LIPK: variants seen among roughly 807,000 people sequenced by gnomAD.
LIPK encodes the protein lipase family member K.
In LIPK, 32 loss-of-function variants were observed where a neutral mutation model predicts 48.6. That is an observed-to-expected ratio of 0.66 (90% CI 0.50 to 0.88). The LOEUF is 0.88. LIPK is among the 40% of genes least tolerant of loss of function. LIPK has a pLI of 0.00. For missense variants in LIPK, 507 were observed against 478.5 expected (o/e 1.06, Z -0.56); for synonymous variants, 164 against 157.4 (o/e 1.04, Z -0.32).
intron 6 of LIPK, among the ~76,000 whole-genome samples, chr10:88,734,051 C>T (rs1337574471): frequency 6.6e-6 from 1 of 152,154 alleles, no homozygotes; most frequent in Admixed American, 6.5e-5. Flanking sequence ...TTGATCAAAT[C>T]TATAACTTTA....
chr10:88,717,248 C>A (rs1353488818), intron 1 of LIPK, among the ~76,000 whole-genome samples: 1 of 152,176 alleles, frequency 6.6e-6, no homozygotes, highest in African/African-American at 2.4e-5. Flanking sequence ...CCTTCTAGAT[C>A]TTTTCATTCA....
intron 1 of LIPK, among the ~76,000 whole-genome samples, chr10:88,713,346 G>A (rs1030266650): frequency 4.6e-5 from 7 of 152,132 alleles, no homozygotes; most frequent in African/African-American, 1.7e-4. Context: ...ATATGTGATA[G>A]ATACCAAAAA....
At chr10:88,739,879 A>T (rs576398364) in intron 7 of LIPK, 117 bp from the exon 8 acceptor site, 4 of 563,160 alleles carry the variant, frequency 7.1e-6, no homozygotes, top group East Asian at 6.8e-5. Context: ...AAATAAAAAT[A>T]AAAAAAAGAA....
intron 1 of LIPK, 35 bp from the exon 2 acceptor site, chr10:88,724,497 TC>T (rs757944216): frequency 5.2e-5 from 65 of 1,259,294 alleles, no homozygotes; most frequent in Non-Finnish European, 6.8e-5. Flanking sequence ...GTAGAATTTA[TC>T]TTTGATGACA....
intron 9 of LIPK, among the ~76,000 whole-genome samples, chr10:88,746,095 G>A (rs1414381021): frequency 6.6e-6 from 1 of 152,110 alleles, no homozygotes; most frequent in Non-Finnish European, 1.5e-5. Flanking sequence ...AAATATATAT[G>A]CACCCAACAC....
Position 88,731,261 on chromosome 10 carries a change from T to A in LIPK, c.422+80T>A, listed in dbSNP as rs533740339. 8.2e-6 allele frequency: 10 copies of A among 1,213,060 alleles called. No homozygotes were observed. The East Asian group carries it at 2.4e-4, about 29-fold the overall frequency. The allele number at this position is 1,213,060 out of a possible 1,614,324, so 75.1% of individuals were successfully genotyped here. On this transcript the variant is annotated intron_variant, in intron 4 of 9. Transcript: ENST00000404190. ...GAACACCTAGTGATTTTTTTCCTGT[T>A]TTGTGTCCAAATGCACCCAATGGAA...
In LIPK at chr10:88,740,001, C is replaced by T. The variant is rs1842648361; in HGVS notation, c.822C>T (p.Arg274=). The T allele has an allele frequency of 6.2e-7, 1 of 1,611,692 alleles. No homozygotes were observed. The highest frequency in any genetic ancestry group is 8.5e-7 in the Non-Finnish European group (1 of 1,178,282). ...GFDPQNLNMS[R]LDVYLSHNPA... ...GAGAAGTAATCTCTTTGCAGAGTCG[C>T]TTGGATGTTTATTTGTCACACAATC... The change falls in exon 8 of 10, where the codon CGC becomes CGT. Residue 274 remains arginine (R), a synonymous_variant. Coordinates refer to ENST00000404190, the MANE Select transcript of LIPK (RefSeq NM_001080518.2).
chr10:88,726,221 G>C (rs1240412006), intron 2 of LIPK, among the ~76,000 whole-genome samples: 1 of 152,112 alleles, frequency 6.6e-6, no homozygotes, highest in Non-Finnish European at 1.5e-5. Context: ...AATAATACCA[G>C]GCCAGCAGGC....
intron 3 of LIPK, among the ~76,000 whole-genome samples, chr10:88,729,253 G>GC (rs1842413211): frequency 3.9e-5 from 2 of 51,300 alleles, no homozygotes; most frequent in South Asian, 8.4e-4. Context: ...GCTATCTGTT[G>GC]GGGGGGGGGG....
intron 1 of LIPK, among the ~76,000 whole-genome samples, chr10:88,711,822 A>C (rs73350715): frequency 1.3e-5 from 2 of 151,982 alleles, no homozygotes; most frequent in African/African-American, 4.8e-5. Context: ...TTATTTTAAT[A>C]ATTTTTTAAT....
rs755338523 is a variant in LIPK at position 88,737,505 on chromosome 10, A to G, written c.670-130A>G. On this transcript the variant is annotated intron_variant, in intron 6 of 9. Coordinates refer to ENST00000404190, the MANE Select transcript of LIPK (RefSeq NM_001080518.2). ...GATTACAAAGCTAATAACAAGCCTCATGATTTCACTAAGGACCAACACTGA... is the reference window on the plus strand; with the variant it reads ...GATTACAAAGCTAATAACAAGCCTCGTGATTTCACTAAGGACCAACACTGA... 6.6e-5 allele frequency: 59 copies of G among 890,804 alleles called. 2 individuals are homozygous for G. The Middle Eastern group carries it at 8.4e-4, about 13-fold the overall frequency. 55.2% of individuals were successfully genotyped at this position (890,804 alleles called of 1,614,324 possible). A position where few individuals can be genotyped will look rare whatever the true frequency, so the allele number is the denominator to read the frequency against.
chr10:88,715,687 A>G (rs865952780), intron 1 of LIPK, among the ~76,000 whole-genome samples: 5 of 151,174 alleles, frequency 3.3e-5, no homozygotes, highest in Admixed American at 1.3e-4. Context: ...ATCTTTCACT[A>G]TTTGTTTTCC....
intron 9 of LIPK, among the ~76,000 whole-genome samples, chr10:88,751,880 C>T (rs1234614714): frequency 6.6e-6 from 1 of 152,168 alleles, no homozygotes; most frequent in Non-Finnish European, 1.5e-5. Context: ...GCCCATCTCT[C>T]ATACAATCAC....
chr10:88,726,457 C>T (rs1842339988), intron 2 of LIPK, among the ~76,000 whole-genome samples: 1 of 152,176 alleles, frequency 6.6e-6, no homozygotes, highest in African/African-American at 2.4e-5. Context: ...GAGGCTAAGG[C>T]AGGGGAACGA....
Position 88,731,105 on chromosome 10 carries a change from G to A in LIPK, c.346G>A (p.Gly116Arg). 2 of 1,606,576 alleles carry A rather than the reference G, an allele frequency of 1.2e-6. No homozygotes were observed. The highest frequency in any genetic ancestry group is 1.3e-5 in the African/African-American group (1 of 74,836). ...AGATAGTGGTTATGACGTGTGGTTG[G>A]GGAACAGCCGAGGAAACACTTGGTC... ...LADSGYDVWL[G>R]NSRGNTWSRK... Residue 116 changes from glycine to arginine, a missense_variant, in exon 4 of 10, where the codon GGG becomes AGG. Physicochemically the swap from Gly to Arg is moderately radical, Grantham distance 125. Transcript: ENST00000404190.
chr10:88,716,356 CTT>C (rs11374780), intron 1 of LIPK, among the ~76,000 whole-genome samples: 48 of 120,284 alleles, frequency 4.0e-4, no homozygotes, highest in African/African-American at 1.3e-3. Flanking sequence ...AGGAAAATTT[CTT>C]TTTTTTTTTT....
chr10:88,752,542 C>T lies in LIPK; in HGVS notation c.986C>T (p.Thr329Ile), dbSNP rs1842881656. The change falls in exon 10 of 10, where the codon ACT becomes ATT. Residue 329 changes from threonine (T) to isoleucine (I), a missense_variant. By Grantham distance (89) the Thr-to-Ile change is moderately conservative. Coordinates refer to ENST00000404190, the MANE Select transcript of LIPK (RefSeq NM_001080518.2). Reference protein sequence around the residue: ...HQLTPPLYNITKMEVPTAIWN... With the variant: ...HQLTPPLYNIIKMEVPTAIWN... Reference sequence around the variant, plus strand: ...CTTACACCTCCTTTATACAACATTACTAAGATGGAAGTTCCAACAGCAATA... The same window carrying T: ...CTTACACCTCCTTTATACAACATTATTAAGATGGAAGTTCCAACAGCAATA... The T allele has an allele frequency of 1.3e-6, 2 of 1,557,128 alleles. No individual in the cohort carries two copies. Among genetic ancestry groups the T allele is most frequent in the African/African-American group, 1.4e-5 (1 of 73,880 alleles).
intron 1 of LIPK, among the ~76,000 whole-genome samples, chr10:88,721,014 C>T (rs1842213462): frequency 1.3e-5 from 2 of 151,904 alleles, no homozygotes. Flanking sequence ...CTGAATTTAT[C>T]ATGTCTGCTT....
At chr10:88,712,456 A>C (rs1370067779) in intron 1 of LIPK, among the ~76,000 whole-genome samples, 2 of 152,214 alleles carry the variant, frequency 1.3e-5, no homozygotes, top group African/African-American at 2.4e-5. Flanking sequence ...TGGACCTACC[A>C]TAATGTGGAC....
Sources: allele counts gnomAD v4.1 joint callset (sites outside exome capture counted in the v4.1 genomes callset), GRCh38; gene constraint gnomAD v4.1.1; transcripts MANE v1.5; gene names NCBI Gene and HGNC (gene_info 2026-07-23, HGNC 2026-07-21).